The following DACH1 variants were observed in gnomAD, a reference collection of about 807,000 sequenced individuals.
DACH1 encodes the protein dachshund homolog 1.
In DACH1, 12 loss-of-function variants were observed where a neutral mutation model predicts 54.2. That is an observed-to-expected ratio of 0.22 (90% CI 0.14 to 0.36). DACH1 has a LOEUF of 0.36. Among genes scored for constraint, DACH1 ranks in the 10% least tolerant of loss-of-function variants. DACH1 has a pLI of 1.00. For synonymous variants in DACH1, 386 were observed against 366.2 expected (o/e 1.05, Z -0.62); for missense variants, 805 against 929.8 (o/e 0.87, Z 1.75).
intron 1 of DACH1, among the ~76,000 whole-genome samples, chr13:71,757,673 G>A (rs946938583): frequency 3.3e-5 from 5 of 151,900 alleles, no homozygotes; most frequent in Admixed American, 1.3e-4. Flanking sequence ...ACAGGCACCC[G>A]CCATTATGCC....
At chr13:71,648,293 A>G (rs1878436686) in intron 2 of DACH1, among the ~76,000 whole-genome samples, 1 of 152,158 alleles carries the variant, frequency 6.6e-6, no homozygotes, top group Non-Finnish European at 1.5e-5. Context: ...CATTTTCTCA[A>G]TGCTTTGATA....
chr13:71,683,180 T>C (rs1291565271), intron 1 of DACH1, among the ~76,000 whole-genome samples: 1 of 152,104 alleles, frequency 6.6e-6, no homozygotes, highest in Non-Finnish European at 1.5e-5. Flanking sequence ...AACGGGTTCT[T>C]AGACTTCAGA....
At chr13:71,665,674 G>T (rs1879784681) in intron 2 of DACH1, among the ~76,000 whole-genome samples, 1 of 151,952 alleles carries the variant, frequency 6.6e-6, no homozygotes, top group African/African-American at 2.4e-5. Context: ...TTTAAAATTT[G>T]ACCCTGTCCT....
At position 71,817,206 on chromosome 13, in the gene DACH1, T is replaced by G. The variant is rs114664562; in HGVS notation, c.848+48716A>C. Reference sequence around the variant, plus strand: ...ACTGGAAATGACATTGAAGATCAAATAGTTCAACCTTATCACTCCACAGAT... The same window carrying G: ...ACTGGAAATGACATTGAAGATCAAAGAGTTCAACCTTATCACTCCACAGAT... On this transcript the variant is annotated intron_variant, in intron 1 of 10. Coordinates refer to ENST00000613252, the MANE Select transcript of DACH1 (RefSeq NM_080759.6). 9.4e-3 allele frequency among the ~76,000 whole-genome samples: 1,435 copies of G among 152,252 alleles called. 22 individuals are homozygous for G. Among genetic ancestry groups the G allele is most frequent in the African/African-American group, 0.033 (1,384 of 41,526 alleles).
chr13:71,851,957 T>C (rs1873697204), intron 1 of DACH1, among the ~76,000 whole-genome samples: 1 of 152,140 alleles, frequency 6.6e-6, no homozygotes, highest in African/African-American at 2.4e-5. Flanking sequence ...GTTTAAACAG[T>C]GAGTGTACAA....
rs749011021 is a variant in DACH1, at chr13:71,683,654, A to G, written c.849-1744T>C. On this transcript the variant is annotated intron_variant, in intron 1 of 10. Transcript: ENST00000613252. ...GCTTATTGTTCTTGAAGTATCCCTC[A>G]AGCTACTTCCTCTTATTATTACTTT... Among the ~76,000 whole-genome samples, 18 of 152,008 alleles carry G rather than the reference A, an allele frequency of 1.2e-4. No homozygotes were observed. In the South Asian group the frequency reaches 1.9e-3, roughly 16 times the overall value.
chr13:71,748,890 CTTTCTT>C (rs1884762197), intron 1 of DACH1, among the ~76,000 whole-genome samples: 12 of 88,156 alleles, frequency 1.4e-4, no homozygotes, highest in African/African-American at 5.2e-4. Flanking sequence ...TTCTTTCTTT[CTTTCTT>C]TCTCTTTCTT....
In DACH1 at chr13:71,825,676, G is replaced by A. The variant is rs185771941; in HGVS notation, c.848+40246C>T. On this transcript the variant is annotated intron_variant, in intron 1 of 10. Coordinates refer to ENST00000613252, the MANE Select transcript of DACH1 (RefSeq NM_080759.6). ...CGAGTAATACACATTGGATAGATAC[G>A]CCACATTTTATTTATCTATTCATCA... Among the ~76,000 whole-genome samples the A allele has an allele frequency of 5.3e-5, 8 of 152,006 alleles. No individual in the cohort carries two copies. The East Asian group carries it at 5.8e-4, about 11-fold the overall frequency.
chr13:71,748,628 C>T lies in DACH1; in HGVS notation c.849-66718G>A, dbSNP rs73525415. On this transcript the variant is annotated intron_variant, in intron 1 of 10. Coordinates refer to ENST00000613252, the MANE Select transcript of DACH1 (RefSeq NM_080759.6). ...CTACTACTATAGCAATCCTCATTCCCAGGGCCTTGAGGTGTCTGCCCTGTA... is the reference window on the plus strand; with the variant it reads ...CTACTACTATAGCAATCCTCATTCCTAGGGCCTTGAGGTGTCTGCCCTGTA... Among the ~76,000 whole-genome samples, 908 of 152,278 alleles carry T rather than the reference C, an allele frequency of 6.0e-3. 14 individuals are homozygous for T. Among genetic ancestry groups the T allele is most frequent in the African/African-American group, 0.021 (856 of 41,548 alleles).
intron 10 of DACH1, among the ~76,000 whole-genome samples, chr13:71,454,347 A>AGAT (rs1875354663): frequency 6.6e-6 from 1 of 152,144 alleles, no homozygotes; most frequent in Non-Finnish European, 1.5e-5. Context: ...GCATCCTCTA[A>AGAT]GATGATCAGC....
intron 6 of DACH1, among the ~76,000 whole-genome samples, chr13:71,541,108 AT>A (rs960673018): frequency 5.3e-5 from 8 of 151,974 alleles, no homozygotes; most frequent in African/African-American, 1.9e-4. Context: ...TTCATAAGTA[AT>A]AAGTGCAAAT....
chr13:71,441,175 A>G (rs1451484602), intron 10 of DACH1, among the ~76,000 whole-genome samples: 1 of 152,060 alleles, frequency 6.6e-6, no homozygotes, highest in African/African-American at 2.4e-5. Flanking sequence ...TTTATATGAA[A>G]GCCAGCTAGG....
intron 6 of DACH1, among the ~76,000 whole-genome samples, chr13:71,504,720 C>A (rs1464185083): frequency 6.6e-6 from 1 of 152,122 alleles, no homozygotes; most frequent in Non-Finnish European, 1.5e-5. Context: ...AATATAGAAC[C>A]ATTTCATTCT....
At chr13:71,479,100 C>T in intron 8 of DACH1, 69 bp downstream of exon 8, 1 of 1,337,458 alleles carries the variant, frequency 7.5e-7, no homozygotes, top group Middle Eastern at 2.0e-4. Context: ...CAAAATAAAT[C>T]ACCATCATAG....
In DACH1 at chr13:71,866,367, TG is replaced by T; in HGVS notation, c.402del (p.Asn135ThrfsTer59). 1 of 1,514,050 alleles carries T rather than the reference TG, an allele frequency of 6.6e-7. No individual in the cohort carries two copies. Among genetic ancestry groups the T allele is most frequent in the Non-Finnish European group, 8.9e-7 (1 of 1,128,376 alleles). 93.8% of individuals were successfully genotyped at this position (1,514,050 alleles called of 1,614,324 possible). ...CTGCTGCTGCTGCCGGTGCTGGCGT[TG>T]ATGGGGGTGCTGGAAGCGACGCCGC... Reference protein sequence around the residue: ...AGGGVASSTPINASTGSSSSS... With the variant: ...AGGGVASSTPXNASTGSSSSS... On this transcript the variant is annotated frameshift_variant, in exon 1 of 11. Coordinates refer to ENST00000613252, the MANE Select transcript of DACH1 (RefSeq NM_080759.6). LOFTEE classifies it high-confidence loss of function.
intron 6 of DACH1, among the ~76,000 whole-genome samples, chr13:71,504,224 C>T (rs1880139053): frequency 6.6e-6 from 1 of 152,076 alleles, no homozygotes; most frequent in African/African-American, 2.4e-5. Flanking sequence ...CAACAATTAA[C>T]ACGAGAAATC....
At chr13:71,677,877 G>A (rs1880666730) in intron 2 of DACH1, among the ~76,000 whole-genome samples, 1 of 151,894 alleles carries the variant, frequency 6.6e-6, no homozygotes, top group South Asian at 2.1e-4. Flanking sequence ...CCACCACCAT[G>A]TCCAGCTAAT....
At chr13:71,794,797 G>A (rs1267520363) in intron 1 of DACH1, among the ~76,000 whole-genome samples, 4 of 152,200 alleles carry the variant, frequency 2.6e-5, no homozygotes, top group South Asian at 2.1e-4. Context: ...TTTAACCCTC[G>A]AATTGACATT....
intron 6 of DACH1, among the ~76,000 whole-genome samples, chr13:71,505,118 C>G (rs536148908): frequency 6.6e-6 from 1 of 152,078 alleles, no homozygotes; most frequent in African/African-American, 2.4e-5. Flanking sequence ...GAGTCTTACT[C>G]TGTCGCCAGG....
Sources: allele counts gnomAD v4.1 joint callset (sites outside exome capture counted in the v4.1 genomes callset), GRCh38; gene constraint gnomAD v4.1.1; transcripts MANE v1.5; gene names NCBI Gene and HGNC (gene_info 2026-07-23, HGNC 2026-07-21).